Variants in BDNF observed in about 807,000 individuals in gnomAD.
The protein encoded by BDNF is brain derived neurotrophic factor.
Under a neutral mutation model 19.5 loss-of-function variants are expected in BDNF, and 1 was observed. The observed-to-expected ratio is 0.05, with a 90% CI of 0.02 to 0.24. The LOEUF is 0.24. Ranked by LOEUF, BDNF falls within the 10% of genes least tolerant of loss-of-function variation. BDNF has a pLI of 1.00. For missense variants in BDNF, 195 were observed against 317.6 expected (o/e 0.61, Z 2.93); for synonymous variants, 100 against 121.6 (o/e 0.82, Z 1.17).
At chr11:27,669,048 AAGC>A (rs1285287836) in intron 1 of BDNF, among the ~76,000 whole-genome samples, 15 of 152,172 alleles carry the variant, frequency 9.9e-5, no homozygotes, top group Non-Finnish European at 2.2e-4. Context: ...GAACATCAAA[AAGC>A]TTATCCACCA....
chr11:27,698,271 A>C, intron 1 of BDNF: 1 of 142,430 alleles, frequency 7.0e-6, no homozygotes, highest in African/African-American at 2.6e-5. Context: ...TAAGCAAGGC[A>C]TTTGCAAAAT....
At chr11:27,711,126 G>A (rs1168195351) in intron 1 of BDNF, among the ~76,000 whole-genome samples, 1 of 152,118 alleles carries the variant, frequency 6.6e-6, no homozygotes, top group Non-Finnish European at 1.5e-5. Flanking sequence ...ACCCAGCTTT[G>A]CCACTTATTG....
In BDNF at chr11:27,656,787, G is replaced by T. The variant is rs1351901364; in HGVS notation, c.*1034C>A. ...CATAAAAAATAATCTTCATTTTGGG[G>T]TTATTTTTTGTTGTTTTCTGTTCTA... On this transcript the variant is annotated 3_prime_UTR_variant, in exon 2 of 2. Transcript: ENST00000356660. The T allele has an allele frequency of 1.0e-6, 1 of 984,932 alleles. No homozygotes were observed. Among genetic ancestry groups the T allele is most frequent in the African/African-American group, 1.8e-5 (1 of 57,102 alleles). 61.0% of individuals were successfully genotyped at this position (984,932 alleles called of 1,614,324 possible).
At position 27,658,611 on chromosome 11, in the gene BDNF, C is replaced by T. The variant is rs373416461; in HGVS notation, c.-21-26G>A. ...CTGTAGGGAGAAAGCAGAAACAAGA[C>T]AGAAAACTGGTTAGGGCTTTCTTTC... On this transcript the variant is annotated intron_variant, in intron 1 of 1. Coordinates refer to ENST00000356660, the MANE Select transcript of BDNF (RefSeq NM_001709.5). This position sits in a 1 kb window ranked among gnomAD's most constrained non-coding sequence, Gnocchi z 5.7. 18 of 1,614,078 alleles carry T rather than the reference C, an allele frequency of 1.1e-5. No homozygotes were observed. The highest frequency in any genetic ancestry group is 1.1e-5 in the South Asian group (1 of 91,086).
chr11:27,661,107 C>G (rs1332091512), intron 1 of BDNF, among the ~76,000 whole-genome samples: 2 of 152,034 alleles, frequency 1.3e-5, no homozygotes, highest in African/African-American at 4.8e-5. Flanking sequence ...ATTCTGAAGC[C>G]CAAACATGGG....
intron 1 of BDNF, among the ~76,000 whole-genome samples, chr11:27,682,047 C>T (rs1317127373): frequency 6.6e-6 from 1 of 152,134 alleles, no homozygotes; most frequent in Non-Finnish European, 1.5e-5. Context: ...GCAGTTCTCT[C>T]ATCTCAAAAT....
intron 1 of BDNF, among the ~76,000 whole-genome samples, chr11:27,669,068 A>C (rs1203246812): frequency 6.6e-6 from 1 of 152,350 alleles, no homozygotes; most frequent in Non-Finnish European, 1.5e-5. Flanking sequence ...ACCATGATCA[A>C]GTTGGCTTCA....
chr11:27,656,676 C>G lies in BDNF; in HGVS notation c.*1145G>C. Reference sequence around the variant, plus strand: ...TAGGTGTTTCTGGGTTGATACAGGGCTCTACCTTTTGCTTACAAGACATTG... The same window carrying G: ...TAGGTGTTTCTGGGTTGATACAGGGGTCTACCTTTTGCTTACAAGACATTG... On this transcript the variant is annotated 3_prime_UTR_variant, in exon 2 of 2. Coordinates refer to ENST00000356660, the MANE Select transcript of BDNF (RefSeq NM_001709.5). 9.1e-6 allele frequency: 9 copies of G among 985,616 alleles called. No individual in the cohort carries two copies. The South Asian group carries it at 4.2e-4, about 46-fold the overall frequency. The allele number at this position is 985,616 out of a possible 1,614,324, so 61.1% of individuals were successfully genotyped here. A position where few individuals can be genotyped will look rare whatever the true frequency, so the allele number is the denominator to read the frequency against.
At chr11:27,700,543 C>CCCCCGCTCCCCGCT (rs1379315254), upstream of BDNF, 30 of 839,670 alleles carry the variant, frequency 3.6e-5, no homozygotes, top group Non-Finnish European at 4.0e-5. Flanking sequence ...CGCCCCCCGC[C>CCCCCGCTCCCCGCT]CCCCGCTCCC....
In BDNF at chr11:27,658,845, G is replaced by A. The variant is rs981829953; in HGVS notation, c.-21-260C>T. 1.5e-6 allele frequency: 2 copies of A among 1,337,658 alleles called. No individual in the cohort carries two copies. Among genetic ancestry groups the A allele is most frequent in the African/African-American group, 1.5e-5 (1 of 67,320 alleles). The allele number at this position is 1,337,658 out of a possible 1,614,324, so 82.9% of individuals were successfully genotyped here. On this transcript the variant is annotated intron_variant, in intron 1 of 1. Coordinates refer to ENST00000356660, the MANE Select transcript of BDNF (RefSeq NM_001709.5). This position sits in a 1 kb window ranked among gnomAD's most constrained non-coding sequence, Gnocchi z 5.7. ...CTGAGATTAGATGGCTTCTAAGCAAGTGCAAAAATTGTGGCTTCAAGTTCT... is the reference window on the plus strand; with the variant it reads ...CTGAGATTAGATGGCTTCTAAGCAAATGCAAAAATTGTGGCTTCAAGTTCT...
chr11:27,700,608 C>T, upstream of BDNF: 1 of 979,098 alleles, frequency 1.0e-6, no homozygotes, highest in Non-Finnish European at 1.2e-6. Context: ...GGGAACGCCG[C>T]GTCTTTTCCT....
chr11:27,658,225 T>C lies in BDNF; in HGVS notation c.340A>G (p.Lys114Glu). Residue 114 changes from lysine to glutamate, a missense_variant, in exon 2 of 2, where the codon AAA becomes GAA. Coordinates refer to ENST00000356660, the MANE Select transcript of BDNF (RefSeq NM_001709.5). The surrounding 1 kb of genome is among the most constrained non-coding windows in gnomAD (Gnocchi z 5.7). ...PPLLFLLEEY[K>E]NYLDAANMSM... ...ATGTTTGCAGCATCTAGGTAATTTTTGTATTCCTCCAGCAGAAAGAGAAGA... is the reference window on the plus strand; with the variant it reads ...ATGTTTGCAGCATCTAGGTAATTTTCGTATTCCTCCAGCAGAAAGAGAAGA... The C allele has an allele frequency of 6.2e-7, 1 of 1,613,970 alleles. No individual in the cohort carries two copies. The highest frequency in any genetic ancestry group is 8.5e-7 in the Non-Finnish European group (1 of 1,180,014).
intron 1 of BDNF, among the ~76,000 whole-genome samples, chr11:27,686,453 G>A (rs568811261): frequency 8.0e-4 from 122 of 152,272 alleles, no homozygotes; most frequent in Admixed American, 1.6e-3. Flanking sequence ...ATGTTAGCTG[G>A]TTATTTTGCC....
rs1203685607 is a variant in BDNF, at chr11:27,700,257, G to T, written c.-115C>A. 2.0e-6 allele frequency: 2 copies of T among 985,276 alleles called. No individual in the cohort carries two copies. Among genetic ancestry groups the T allele is most frequent in the Non-Finnish European group, 2.4e-6 (2 of 830,022 alleles). The allele number at this position is 985,276 out of a possible 1,614,324, so 61.0% of individuals were successfully genotyped here. ...AGCGCCCAGCCCCGGTCCCCGTCGCGGTGCTGCTCCCCGCCGGCCCCACAG... is the reference window on the plus strand; with the variant it reads ...AGCGCCCAGCCCCGGTCCCCGTCGCTGTGCTGCTCCCCGCCGGCCCCACAG... On this transcript the variant is annotated 5_prime_UTR_variant, in exon 1 of 2. Coordinates refer to ENST00000356660, the MANE Select transcript of BDNF (RefSeq NM_001709.5).
intron 1 of BDNF, among the ~76,000 whole-genome samples, chr11:27,716,408 C>A (rs1303432888): frequency 8.6e-6 from 1 of 116,270 alleles, no homozygotes; most frequent in Non-Finnish European, 1.9e-5. Context: ...TAAATTCCCA[C>A]TAGAAAACAC....
intron 1 of BDNF, chr11:27,675,512 A>G (rs190396295): frequency 1.3e-5 from 2 of 152,310 alleles, no homozygotes; most frequent in Non-Finnish European, 2.9e-5. Flanking sequence ...AACGCTTTCA[A>G]TTAAGGCCTA....
intron 1 of BDNF, among the ~76,000 whole-genome samples, chr11:27,692,621 G>T (rs894316293): frequency 2.6e-5 from 4 of 152,152 alleles, no homozygotes; most frequent in African/African-American, 9.7e-5. Context: ...GGGATTACAG[G>T]CATGAGCCAC....
intron 1 of BDNF, among the ~76,000 whole-genome samples, chr11:27,678,601 T>C (rs1415804700): frequency 1.3e-5 from 2 of 152,204 alleles, no homozygotes; most frequent in Non-Finnish European, 2.9e-5. Context: ...GAGATCAATG[T>C]TGAATGATGG....
At chr11:27,677,293 CATG>C (rs1856259491) in intron 1 of BDNF, 1 of 152,184 alleles carries the variant, frequency 6.6e-6, no homozygotes, top group Non-Finnish European at 1.5e-5. Flanking sequence ...CAAAATTATA[CATG>C]ATTTTTCCTG....
Sources: gnomAD v4.1 joint callset for allele counts (sites outside exome capture counted in the v4.1 genomes callset) on GRCh38, gnomAD v4.1.1 for gene constraint, Gnocchi (gnomAD v3.1) non-coding constraint, MANE v1.5 for transcripts, NCBI Gene and HGNC (gene_info 2026-07-23, HGNC 2026-07-21) for gene names.